The following TTC17 variants were observed in gnomAD, a reference collection of about 807,000 sequenced individuals.
The protein encoded by TTC17 is tetratricopeptide repeat protein 17.
A neutral mutation model predicts 143.8 loss-of-function variants in TTC17; 58 were observed. That is an observed-to-expected ratio of 0.40 (90% confidence interval 0.33 to 0.50). TTC17 has a LOEUF of 0.50. TTC17 is among the 20% of genes least tolerant of loss of function. The pLI is 0.49. For missense variants in TTC17, 1,273 were observed against 1,392.5 expected, an observed-to-expected ratio of 0.91 and a Z score of 1.37; for synonymous variants, 501 against 497.8, an observed-to-expected ratio of 1.01 and a Z score of -0.09.
intron 18 of TTC17, chr11:43,446,508 T>C: frequency 1.0e-5 from 5 of 497,282 alleles, no homozygotes; most frequent in Non-Finnish European, 1.3e-5. Context: ...ATAAATATTT[T>C]TCAAATGAAA....
intron 21 of TTC17, among the ~76,000 whole-genome samples, chr11:43,465,358 C>G (rs1222990453): frequency 6.6e-6 from 1 of 151,992 alleles, no homozygotes; most frequent in Non-Finnish European, 1.5e-5. Flanking sequence ...GATTGAAAAC[C>G]AAGAGAAAGG....
At chr11:43,373,851 C>T (rs921424411) in intron 1 of TTC17, among the ~76,000 whole-genome samples, 4 of 152,084 alleles carry the variant, frequency 2.6e-5, no homozygotes, top group African/African-American at 9.7e-5. Flanking sequence ...TGCTTGCGTC[C>T]CTTCAGTTTA....
intron 21 of TTC17, among the ~76,000 whole-genome samples, chr11:43,480,072 G>A (rs952154043): frequency 3.3e-5 from 5 of 152,200 alleles, no homozygotes; most frequent in African/African-American, 1.2e-4. Flanking sequence ...CAAGAAGCCT[G>A]TTAACAAAGG....
intron 3 of TTC17, 83 bp from the exon 4 acceptor site, chr11:43,391,382 G>A: frequency 1.1e-6 from 1 of 944,996 alleles, no homozygotes; most frequent in South Asian, 1.4e-5. Context: ...CTGGGCAACA[G>A]AATGAGACCC....
rs978808152 is a variant in TTC17 at position 43,494,070 on chromosome 11, G to A, written c.*166G>A. The A allele has an allele frequency of 1.4e-5, 15 of 1,044,636 alleles. No individual in the cohort carries two copies. The highest frequency in any genetic ancestry group is 2.0e-5 in the Non-Finnish European group (15 of 761,146). The allele number at this position is 1,044,636 out of a possible 1,614,324, so 64.7% of individuals were successfully genotyped here. ...GGAATTGGTTTGTTTTTGTTTTTAC[G>A]TTTCTCCTTTCCCCCAACCAACCTC... On this transcript the variant is annotated 3_prime_UTR_variant, in exon 24 of 24. Coordinates refer to ENST00000039989, the MANE Select transcript of TTC17 (RefSeq NM_018259.6).
chr11:43,373,054 T>C (rs572724727), intron 1 of TTC17, among the ~76,000 whole-genome samples: 2 of 152,190 alleles, frequency 1.3e-5, no homozygotes, highest in Non-Finnish European at 2.9e-5. Context: ...GAAGTTATCC[T>C]GACATGATAT....
chr11:43,427,028 C>T (rs1947045116), intron 16 of TTC17, among the ~76,000 whole-genome samples: 1 of 152,116 alleles, frequency 6.6e-6, no homozygotes, highest in Non-Finnish European at 1.5e-5. Context: ...TACTTACTAC[C>T]TAAACCAAGT....
intron 21 of TTC17, among the ~76,000 whole-genome samples, chr11:43,485,385 C>G (rs912509903): frequency 5.3e-5 from 8 of 152,034 alleles, no homozygotes; most frequent in African/African-American, 1.9e-4. Context: ...GTATCAAAAA[C>G]AAAATGTTAA....
intron 13 of TTC17, 70 bp downstream of exon 13, chr11:43,406,021 CA>C: frequency 6.7e-7 from 1 of 1,494,050 alleles, no homozygotes. Flanking sequence ...TTAAATGGAA[CA>C]AAAAATTGAT....
At chr11:43,394,149 C>T (rs914358420) in intron 5 of TTC17, among the ~76,000 whole-genome samples, 1 of 152,160 alleles carries the variant, frequency 6.6e-6, no homozygotes, top group Non-Finnish European at 1.5e-5. Flanking sequence ...GACTTTCAGT[C>T]CGTAACAGGT....
At chr11:43,390,746 G>A (rs1425815987) in intron 3 of TTC17, among the ~76,000 whole-genome samples, 1 of 151,356 alleles carries the variant, frequency 6.6e-6, no homozygotes, top group Non-Finnish European at 1.5e-5. Flanking sequence ...CAATAAACAT[G>A]GAAAAAAATT....
At chr11:43,364,826 A>G (rs1856265961) in intron 1 of TTC17, among the ~76,000 whole-genome samples, 1 of 152,130 alleles carries the variant, frequency 6.6e-6, no homozygotes, top group African/African-American at 2.4e-5. Context: ...TTATTTTGAG[A>G]CAGAGTTTCG....
At chr11:43,414,507 C>G in intron 15 of TTC17, 83 bp from the exon 16 acceptor site, 1 of 1,437,522 alleles carries the variant, frequency 7.0e-7, no homozygotes, top group South Asian at 1.4e-5. Context: ...TAAAAAGAGC[C>G]AAAAGCCATA....
Position 43,404,093 on chromosome 11 carries a change from C to G in TTC17, c.1428C>G (p.Pro476=), listed in dbSNP as rs573119578. ...SDINDSVKSS[P]VAHSILWIWG... is the part of the protein sequence containing the mutation. ...TCAATGATTCGGTCAAGTCTTCTCCCGTAGCCCATTCTATTCTCTGGATTT... is the reference window on the plus strand; with the variant it reads ...TCAATGATTCGGTCAAGTCTTCTCCGGTAGCCCATTCTATTCTCTGGATTT... Residue 476 remains proline (P), a synonymous_variant, in exon 11 of 24, where the codon CCC becomes CCG. Coordinates refer to ENST00000039989, the MANE Select transcript of TTC17 (RefSeq NM_018259.6). 45 of 1,613,380 alleles carry G rather than the reference C, an allele frequency of 2.8e-5. No individual in the cohort carries two copies. The South Asian group carries it at 4.3e-4, about 15-fold the overall frequency.
intron 16 of TTC17, among the ~76,000 whole-genome samples, chr11:43,429,469 A>G (rs542050923): frequency 6.6e-6 from 1 of 152,306 alleles, no homozygotes; most frequent in South Asian, 2.1e-4. Flanking sequence ...CCAAAGTCCC[A>G]CATGTCACCT....
intron 1 of TTC17, chr11:43,369,986 A>G: frequency 2.3e-6 from 1 of 430,194 alleles, no homozygotes; most frequent in Non-Finnish European, 4.6e-6. Flanking sequence ...ATATTTCCAA[A>G]TCTTGGCAGT....
At chr11:43,386,452 T>A (rs1181964445) in intron 2 of TTC17, among the ~76,000 whole-genome samples, 1 of 152,192 alleles carries the variant, frequency 6.6e-6, no homozygotes, top group Non-Finnish European at 1.5e-5. Context: ...ACAGTAAAAA[T>A]GTGGTATTAT....
At chr11:43,420,718 C>T (rs1946882011) in intron 16 of TTC17, among the ~76,000 whole-genome samples, 1 of 152,056 alleles carries the variant, frequency 6.6e-6, no homozygotes, top group African/African-American at 2.4e-5. Flanking sequence ...ATACTTCAGC[C>T]TCTGAAAGAC....
At chr11:43,362,988 T>C (rs1856179543) in intron 1 of TTC17, among the ~76,000 whole-genome samples, 2 of 152,150 alleles carry the variant, frequency 1.3e-5, no homozygotes, top group Admixed American at 6.5e-5. Context: ...TTTCCTAGCT[T>C]TGGGCTTTGA....
Sources: gnomAD v4.1 joint callset for allele counts (sites outside exome capture counted in the v4.1 genomes callset) on GRCh38, gnomAD v4.1.1 for gene constraint, MANE v1.5 for transcripts, NCBI Gene and HGNC (gene_info 2026-07-23, HGNC 2026-07-21) for gene names.